Variants in PCLO observed in about 807,000 individuals in gnomAD.
The protein encoded by PCLO is protein piccolo.
Under a neutral mutation model 427.5 loss-of-function variants are expected in PCLO, and 82 were observed. That is an observed-to-expected ratio of 0.19 (90% CI 0.16 to 0.23). PCLO has a LOEUF of 0.23. PCLO is among the 10% of genes least tolerant of loss of function. PCLO has a pLI of 1.00. For synonymous variants in PCLO, 2,357 were observed against 2,155.4 expected, an observed-to-expected ratio of 1.09 and a Z score of -2.59; for missense variants, 6,239 against 6,115.9, an observed-to-expected ratio of 1.02 and a Z score of -0.67.
chr7:83,128,963 CA>C (rs1791507499), intron 3 of PCLO, among the ~76,000 whole-genome samples: 1 of 152,064 alleles, frequency 6.6e-6, no homozygotes, highest in African/African-American at 2.4e-5. Flanking sequence ...CCAAGGGCCC[CA>C]AATGTTACCT....
chr7:83,069,381 G>C (rs987103433), intron 3 of PCLO, among the ~76,000 whole-genome samples: 38 of 152,038 alleles, frequency 2.5e-4, no homozygotes, highest in African/African-American at 9.2e-4. Flanking sequence ...TGTTGTTCTA[G>C]AGTCAACTGT....
intron 2 of PCLO, among the ~76,000 whole-genome samples, chr7:83,145,563 T>C (rs1453773355): frequency 6.6e-6 from 1 of 152,120 alleles, no homozygotes; most frequent in Non-Finnish European, 1.5e-5. Context: ...GCCAAGTAAT[T>C]CTGTGACTGT....
intron 3 of PCLO, among the ~76,000 whole-genome samples, chr7:83,044,808 C>A (rs1245743533): frequency 2.0e-5 from 3 of 152,114 alleles, no homozygotes; most frequent in Non-Finnish European, 2.9e-5. Flanking sequence ...AAATAATAAT[C>A]TTCCCAGTAT....
Position 82,949,541 on chromosome 7 carries a change from T to G in PCLO, c.11047A>C (p.Lys3683Gln). ...KMMQRSMSDP[K>Q]PLSPTADESS... ...TCGTCTGCTGTTGGACTCAGAGGCT[T>G]GGGGTCAGACATAGAACGCTGCATC... Residue 3683 changes from lysine (K) to glutamine (Q), a missense_variant, in exon 6 of 25, where the codon AAG (lysine) becomes CAG (glutamine). Coordinates refer to ENST00000333891, the MANE Select transcript of PCLO (RefSeq NM_033026.6). 1 of 1,613,688 alleles carries G rather than the reference T, an allele frequency of 6.2e-7. No homozygotes were observed. The highest frequency in any genetic ancestry group is 8.5e-7 in the Non-Finnish European group (1 of 1,179,766).
chr7:83,005,393 T>C (rs979195847), intron 3 of PCLO, among the ~76,000 whole-genome samples: 3 of 151,172 alleles, frequency 2.0e-5, no homozygotes, highest in Admixed American at 1.3e-4. Context: ...GAGAGCAGAG[T>C]AGTGGCTGCC....
chr7:82,902,601 AAAC>A (rs1794072215), intron 9 of PCLO, 47 bp downstream of exon 9: 10 of 1,075,266 alleles, frequency 9.3e-6, no homozygotes, highest in African/African-American at 1.6e-5. Context: ...AAACAAAACA[AAAC>A]AAAACAAAAA....
In PCLO at chr7:82,950,722, T is replaced by C. The variant is rs1268464837; in HGVS notation, c.9866A>G (p.Gln3289Arg). Residue 3289 changes from glutamine (Q) to arginine (R), a missense_variant, in exon 6 of 25, where the codon CAA becomes CGA. Physicochemically the swap from Gln to Arg is conservative, Grantham distance 43 (BLOSUM62 1). Coordinates refer to ENST00000333891, the MANE Select transcript of PCLO (RefSeq NM_033026.6). ...TTGGATCTGCTCAAGCTGTAACTGT[T>C]GCTGAGCTAACGTCTCCTGCCTCAT... ...FMMRQETLAQ[Q>R]QLQLEQIQQL... is the part of the protein sequence containing the mutation. The C allele has an allele frequency of 1.9e-6, 3 of 1,613,868 alleles. No homozygotes were observed. Among genetic ancestry groups the C allele is most frequent in the Non-Finnish European group, 2.5e-6 (3 of 1,179,834 alleles).
At chr7:82,862,793 T>A (rs1022503086) in intron 10 of PCLO, among the ~76,000 whole-genome samples, 3 of 151,892 alleles carry the variant, frequency 2.0e-5, no homozygotes, top group African/African-American at 7.2e-5. Flanking sequence ...TTGTGGGATC[T>A]AAAAATCAAA....
chr7:82,929,232 A>C (rs1036763035), intron 6 of PCLO, among the ~76,000 whole-genome samples: 3 of 152,218 alleles, frequency 2.0e-5, no homozygotes, highest in African/African-American at 7.2e-5. Flanking sequence ...AAATACATCA[A>C]AGCTTACCAT....
intron 3 of PCLO, among the ~76,000 whole-genome samples, chr7:83,109,856 G>C (rs1790958601): frequency 6.6e-6 from 1 of 151,624 alleles, no homozygotes; most frequent in South Asian, 2.1e-4. Flanking sequence ...ATAATAATCA[G>C]CTATTATTTT....
intron 9 of PCLO, among the ~76,000 whole-genome samples, chr7:82,898,665 A>G (rs147552169): frequency 1.5e-3 from 234 of 151,502 alleles, no homozygotes; most frequent in African/African-American, 5.5e-3. Flanking sequence ...AGGCAGCTAA[A>G]TTATTAGTTT....
intron 3 of PCLO, among the ~76,000 whole-genome samples, chr7:83,130,390 T>G (rs952560834): frequency 7.2e-5 from 11 of 152,208 alleles, no homozygotes; most frequent in Admixed American, 2.0e-4. Flanking sequence ...TTGGCCAGGC[T>G]GGTCTCAAAC....
chr7:82,781,113 A>G (rs1457447029), intron 22 of PCLO, among the ~76,000 whole-genome samples: 11 of 152,044 alleles, frequency 7.2e-5, no homozygotes, highest in African/African-American at 2.7e-4. Context: ...TTGAAAATAA[A>G]TAAATTAATA....
chr7:82,904,544 C>T (rs1252830280), intron 8 of PCLO, among the ~76,000 whole-genome samples: 1 of 151,994 alleles, frequency 6.6e-6, no homozygotes, highest in Non-Finnish European at 1.5e-5. Context: ...TTATTTCAAT[C>T]TCTTCTAATC....
chr7:83,001,263 G>A (rs187212888), intron 3 of PCLO, among the ~76,000 whole-genome samples: 8 of 151,954 alleles, frequency 5.3e-5, no homozygotes, highest in Admixed American at 4.0e-4. Flanking sequence ...CAAGACGTAC[G>A]GGTACAGAAA....
At chr7:83,109,910 G>A (rs145375348) in intron 3 of PCLO, among the ~76,000 whole-genome samples, 2 of 151,826 alleles carry the variant, frequency 1.3e-5, no homozygotes, top group East Asian at 3.9e-4. Context: ...AGGCAGTTTT[G>A]CAGATAAATC....
rs774226624 is a variant in PCLO at position 82,954,383 on chromosome 7, C to T, written c.6570G>A (p.Ser2190=). The T allele has an allele frequency of 7.4e-6, 12 of 1,613,568 alleles. No individual in the cohort carries two copies. Among genetic ancestry groups the T allele is most frequent in the Admixed American group, 1.7e-5 (1 of 59,984 alleles). The part of the protein sequence containing the change: ...DTPSLTSSVS[S]VCTTDSSSPI... ...GTGAAGAGCTATCTGTGGTACAGACCGAAGAAACAGATGATGTGAGAGAAG... is the reference window on the plus strand; with the variant it reads ...GTGAAGAGCTATCTGTGGTACAGACTGAAGAAACAGATGATGTGAGAGAAG... Residue 2190 remains serine, a synonymous_variant, in exon 5 of 25, where the codon TCG becomes TCA. Transcript: ENST00000333891.
intron 10 of PCLO, among the ~76,000 whole-genome samples, chr7:82,860,752 A>C (rs2115909756): frequency 6.6e-6 from 1 of 152,230 alleles, no homozygotes; most frequent in East Asian, 1.9e-4. Flanking sequence ...TAACTACAAC[A>C]ACTTTTCAAG....
In PCLO at chr7:82,838,321, C is replaced by T. The variant is rs754545878; in HGVS notation, c.14119G>A (p.Gly4707Arg). The part of the protein sequence containing the change: ...EIQLQINYDL[G>R]NLIIHILQAR... Reference sequence around the variant, plus strand: ...TGGAGAATATGTATTATGAGATTTCCAAGATCATAGTTAATTTGAAGCTTT... The same window carrying T: ...TGGAGAATATGTATTATGAGATTTCTAAGATCATAGTTAATTTGAAGCTTT... The change falls in exon 15 of 25, where the codon GGA becomes AGA. Residue 4707 changes from glycine to arginine, a missense_variant. Gly to Arg is a moderately radical substitution (Grantham distance 125). Around this residue, in one of 5 missense-constraint regions of PCLO, gnomAD observed 877 missense variants for 925.5 expected, o/e 0.95. Coordinates refer to ENST00000333891, the MANE Select transcript of PCLO (RefSeq NM_033026.6). 2 of 1,511,860 alleles carry T rather than the reference C, an allele frequency of 1.3e-6. No individual in the cohort carries two copies. Among genetic ancestry groups the T allele is most frequent in the South Asian group, 2.4e-5 (2 of 83,682 alleles). 93.7% of individuals were successfully genotyped at this position (1,511,860 alleles called of 1,614,324 possible). A position where few individuals can be genotyped will look rare whatever the true frequency, so the allele number is the denominator to read the frequency against.
Sources: gnomAD v4.1 joint callset for allele counts (sites outside exome capture counted in the v4.1 genomes callset) on GRCh38, gnomAD v4.1.1 for gene constraint, gnomAD v4.1.1 regional missense constraint, MANE v1.5 for transcripts, NCBI Gene and HGNC (gene_info 2026-07-23, HGNC 2026-07-21) for gene names.